Variants in ZNRF3 observed in about 807,000 individuals in gnomAD.
ZNRF3 encodes the protein E3 ubiquitin-protein ligase ZNRF3.
Under a neutral mutation model 72.5 loss-of-function variants are expected in ZNRF3, and 23 were observed. The observed-to-expected ratio is 0.32, with a 90% confidence interval of 0.23 to 0.45. The LOEUF is 0.45. Ranked by LOEUF, ZNRF3 falls within the 20% of genes least tolerant of loss-of-function variation. The probability of loss-of-function intolerance (pLI) is 1.00; values close to 1 mark genes in which losing one functional copy is unlikely to be tolerated. For missense variants in ZNRF3, 1,169 were observed against 1,272.1 expected, an observed-to-expected ratio of 0.92 and a Z score of 1.23; for synonymous variants, 610 against 545.3, an observed-to-expected ratio of 1.12 and a Z score of -1.65.
At chr22:28,962,666 G>A (rs1470778132) in intron 1 of ZNRF3, among the ~76,000 whole-genome samples, 4 of 152,178 alleles carry the variant, frequency 2.6e-5, no homozygotes, top group Non-Finnish European at 5.9e-5. Flanking sequence ...TACCCATGAG[G>A]ATACATGCCT....
chr22:28,885,201 T>C (rs2033756331), intron 1 of ZNRF3, among the ~76,000 whole-genome samples: 1 of 152,078 alleles, frequency 6.6e-6, no homozygotes, highest in Admixed American at 6.6e-5. Context: ...GTCCTTTTCC[T>C]TCCTTGGGTG....
chr22:28,938,545 G>A (rs2034883260), intron 1 of ZNRF3, among the ~76,000 whole-genome samples: 1 of 152,134 alleles, frequency 6.6e-6, no homozygotes, highest in South Asian at 2.1e-4. Flanking sequence ...AGGAAACTGA[G>A]GGTCAGGGAG....
intron 1 of ZNRF3, among the ~76,000 whole-genome samples, chr22:28,918,509 C>T (rs141051482): frequency 1.4e-4 from 20 of 147,848 alleles, no homozygotes; most frequent in Non-Finnish European, 2.4e-4. Context: ...TGTATGCACA[C>T]GTGTGTGTAT....
chr22:28,972,623 C>T (rs916624736), intron 1 of ZNRF3, among the ~76,000 whole-genome samples: 1 of 152,174 alleles, frequency 6.6e-6, no homozygotes, highest in African/African-American at 2.4e-5. Flanking sequence ...GGTATATACT[C>T]AGGAGTGGAA....
At chr22:28,980,577 G>C (rs1397869749) in intron 1 of ZNRF3, among the ~76,000 whole-genome samples, 3 of 152,172 alleles carry the variant, frequency 2.0e-5, no homozygotes, top group Non-Finnish European at 2.9e-5. Context: ...GGAGTGAGTA[G>C]GCATTTTCCT....
intron 1 of ZNRF3, among the ~76,000 whole-genome samples, chr22:28,910,391 CTTAG>C (rs2034295030): frequency 6.6e-6 from 1 of 152,158 alleles, no homozygotes; most frequent in African/African-American, 2.4e-5. Context: ...AGCAAAGTAA[CTTAG>C]TTCTGTCCTT....
chr22:28,913,269 A>T (rs1233564486), intron 1 of ZNRF3, among the ~76,000 whole-genome samples: 1 of 152,244 alleles, frequency 6.6e-6, no homozygotes, highest in African/African-American at 2.4e-5. Flanking sequence ...GTTTTCTCTT[A>T]GAGATATATT....
intron 1 of ZNRF3, among the ~76,000 whole-genome samples, chr22:28,919,662 ATG>A (rs2034474578): frequency 6.7e-6 from 1 of 149,916 alleles, no homozygotes; most frequent in Non-Finnish European, 1.5e-5. Context: ...GCGTGCCACC[ATG>A]CCTGGCTAAT....
chr22:28,883,935 G>T lies in ZNRF3; in HGVS notation c.169G>T (p.Glu57Ter). Residue 57 changes from glutamate to a stop codon, truncating the protein, a stop_gained, in exon 1 of 9, where the codon GAG becomes TAG. Transcript: ENST00000544604. LOFTEE classifies it high-confidence loss of function. The surrounding 1 kb of genome is among the most constrained non-coding windows in gnomAD (Gnocchi z 5.5). ...GGGGCCCGGCGCGGCGCGGGCCAAG[G>T]AGACGGCGTTCGTGGAGGTGGTGCT... ...AAGPGAARAK[E>*]TAFVEVVLFE... 1 of 1,254,374 alleles carries T rather than the reference G, an allele frequency of 8.0e-7. No homozygotes were observed. The highest frequency in any genetic ancestry group is 1.5e-5 in the South Asian group (1 of 66,102). 77.7% of individuals were successfully genotyped at this position (1,254,374 alleles called of 1,614,324 possible). A position where few individuals can be genotyped will look rare whatever the true frequency, so the allele number is the denominator to read the frequency against.
chr22:28,904,218 C>G (rs1297007069), intron 1 of ZNRF3, among the ~76,000 whole-genome samples: 1 of 152,144 alleles, frequency 6.6e-6, no homozygotes, highest in Non-Finnish European at 1.5e-5. Flanking sequence ...GCTTTGAAGT[C>G]CTAAGGTGCT....
At chr22:28,885,959 A>T (rs1031523992) in intron 1 of ZNRF3, among the ~76,000 whole-genome samples, 6 of 151,978 alleles carry the variant, frequency 3.9e-5, no homozygotes, top group African/African-American at 1.2e-4. Flanking sequence ...ATAGTTGCTA[A>T]GTAAAGTGAC....
At chr22:28,973,953 CTTT>C (rs553300044) in intron 1 of ZNRF3, among the ~76,000 whole-genome samples, 4 of 111,474 alleles carry the variant, frequency 3.6e-5, no homozygotes, top group African/African-American at 3.2e-5. Context: ...CTCTCTCTCT[CTTT>C]TTTTTTTTTT....
chr22:28,918,537 C>CGT (rs56876101), intron 1 of ZNRF3, among the ~76,000 whole-genome samples: 2,346 of 148,710 alleles, frequency 0.016, 68 homozygotes, highest in African/African-American at 0.054. Flanking sequence ...TGCATGTGTG[C>CGT]GTGTGTGTGT....
At chr22:29,003,896 C>T (rs982774573) in intron 2 of ZNRF3, among the ~76,000 whole-genome samples, 1 of 152,212 alleles carries the variant, frequency 6.6e-6, no homozygotes, top group Non-Finnish European at 1.5e-5. Flanking sequence ...ATACCCCAAT[C>T]CCTCTGTCTT....
chr22:29,039,701 C>T (rs903753889), intron 2 of ZNRF3, among the ~76,000 whole-genome samples: 1 of 146,784 alleles, frequency 6.8e-6, no homozygotes, highest in South Asian at 2.1e-4. Context: ...GATCTCAGCA[C>T]TTTGGGAGGC....
chr22:28,892,863 G>A (rs940108948), intron 1 of ZNRF3, among the ~76,000 whole-genome samples: 3 of 152,138 alleles, frequency 2.0e-5, no homozygotes, highest in Non-Finnish European at 2.9e-5. Flanking sequence ...TGGTGCAGAA[G>A]TGCCTGCATT....
At chr22:29,014,116 T>C (rs4823002) in intron 2 of ZNRF3, among the ~76,000 whole-genome samples, 75,607 of 152,004 alleles carry the variant, frequency 0.5, 19,033 homozygotes, top group Non-Finnish European at 0.52. Flanking sequence ...GTGTCATTGC[T>C]GTAAAGTCAC....
intron 1 of ZNRF3, among the ~76,000 whole-genome samples, chr22:28,951,765 C>T (rs2123795403): frequency 6.6e-6 from 1 of 152,302 alleles, no homozygotes. Context: ...GACCTGTGCG[C>T]CTGCCATGTA....
intron 1 of ZNRF3, among the ~76,000 whole-genome samples, chr22:28,894,890 G>C (rs2033961257): frequency 6.6e-6 from 1 of 152,248 alleles, no homozygotes; most frequent in South Asian, 2.1e-4. Flanking sequence ...AAAAGATCTG[G>C]CATCAGTGGG....
Sources: allele counts gnomAD v4.1 joint callset (sites outside exome capture counted in the v4.1 genomes callset), GRCh38; gene constraint gnomAD v4.1.1; non-coding constraint Gnocchi (gnomAD v3.1); transcripts MANE v1.5; gene names NCBI Gene and HGNC (gene_info 2026-07-23, HGNC 2026-07-21).